Variants in ECI2 observed in about 807,000 individuals in gnomAD.
ECI2 encodes enoyl-CoA delta isomerase 2.
A neutral mutation model predicts 38.4 loss-of-function variants in ECI2; 27 were observed. The observed-to-expected ratio is 0.70, with a 90% confidence interval of 0.52 to 0.97. The LOEUF (loss-of-function observed/expected upper bound fraction) is 0.97. Among genes scored for constraint, ECI2 ranks in the 50% least tolerant of loss-of-function variants. The probability of loss-of-function intolerance (pLI) is 0.00; values close to 1 mark genes in which losing one functional copy is unlikely to be tolerated. For synonymous variants in ECI2, 168 were observed against 172.0 expected, an observed-to-expected ratio of 0.98 and a Z score of 0.18; for missense variants, 470 against 474.4, an observed-to-expected ratio of 0.99 and a Z score of 0.09.
chr6:4,135,554 T>C lies in ECI2; in HGVS notation c.7A>G (p.Met3Val), dbSNP rs765201457. Residue 3 changes from methionine to valine, a missense_variant, in exon 1 of 10, where the codon ATG becomes GTG. Transcript: ENST00000380118. MA[M>V]AYLAWRLARR... The stretch of plus-strand genomic sequence containing the variant: ...GCCAGTCTCCAAGCCAAGTACGCCA[T>C]CGCCATCCCTTGGGCGGCTCTAGGG... 3.4e-5 allele frequency: 51 copies of C among 1,499,644 alleles called. No homozygotes were observed. Among genetic ancestry groups the C allele is most frequent in the African/African-American group, 1.8e-4 (12 of 67,826 alleles). 92.9% of individuals were successfully genotyped at this position (1,499,644 alleles called of 1,614,324 possible). A position where few individuals can be genotyped will look rare whatever the true frequency, so the allele number is the denominator to read the frequency against.
chr6:4,116,272 AC>A (rs973769935), intron 9 of ECI2, among the ~76,000 whole-genome samples: 29 of 150,396 alleles, frequency 1.9e-4, no homozygotes, highest in African/African-American at 7.1e-4. Context: ...AATTGCTTGA[AC>A]CCGGGAGGCG....
chr6:4,121,964 A>T, intron 7 of ECI2: 1 of 1,580,104 alleles, frequency 6.3e-7, no homozygotes, highest in Non-Finnish European at 8.6e-7. Context: ...TTATTCAAAA[A>T]AATGTACCCA....
chr6:4,120,192 T>C (rs1165446491), intron 7 of ECI2, among the ~76,000 whole-genome samples: 2 of 152,142 alleles, frequency 1.3e-5, no homozygotes, highest in Admixed American at 1.3e-4. Flanking sequence ...CTTAAATATA[T>C]CTAGTCGTGT....
In ECI2 at chr6:4,130,494, G is replaced by C; in HGVS notation, c.379C>G (p.Gln127Glu). The C allele has an allele frequency of 6.2e-7, 1 of 1,614,200 alleles. No homozygotes were observed. ...SLSPSLESSSQVEPGTDRKST... is the reference protein window; with the variant it reads ...SLSPSLESSSEVEPGTDRKST... Reference sequence around the variant, plus strand: ...TTCCTGTCTGTTCCAGGCTCCACCTGACTAGAGGATTCCAATGAAGGACTC... The same window carrying C: ...TTCCTGTCTGTTCCAGGCTCCACCTCACTAGAGGATTCCAATGAAGGACTC... The change falls in exon 4 of 10, where the codon CAG becomes GAG. Residue 127 changes from glutamine (Q) to glutamate (E), a missense_variant. Transcript: ENST00000380118.
At chr6:4,130,925 T>G in intron 2 of ECI2, 60 bp from the exon 3 acceptor site, 1 of 1,507,858 alleles carries the variant, frequency 6.6e-7, no homozygotes, top group Non-Finnish European at 9.1e-7. Flanking sequence ...CCCTAAATAT[T>G]TAAGATCCAT....
In ECI2 at chr6:4,130,103, G is replaced by A. The variant is rs779862015; in HGVS notation, c.501+269C>T. 8.1e-6 allele frequency: 13 copies of A among 1,611,262 alleles called. No homozygotes were observed. The South Asian group carries it at 1.4e-4, about 18-fold the overall frequency. On this transcript the variant is annotated intron_variant, in intron 4 of 9. Transcript: ENST00000380118. ...TATGCAAATTCTCTCATAGCAACAT[G>A]TTTCATTTATATTCATTTATTTCTG...
chr6:4,129,822 T>C (rs928262450), intron 4 of ECI2, among the ~76,000 whole-genome samples: 1 of 152,162 alleles, frequency 6.6e-6, no homozygotes, highest in African/African-American at 2.4e-5. Context: ...TATAATTTTT[T>C]TCAAGAAGAA....
At chr6:4,126,456 G>C (rs1035311942) in intron 5 of ECI2, among the ~76,000 whole-genome samples, 23 of 152,194 alleles carry the variant, frequency 1.5e-4, no homozygotes, top group African/African-American at 5.5e-4. Context: ...GGAGTGGTGC[G>C]TCATGAAATG....
At chr6:4,135,069 G>A (rs1436952459) in intron 1 of ECI2, 1 of 460,362 alleles carries the variant, frequency 2.2e-6, no homozygotes, top group East Asian at 6.8e-5. Flanking sequence ...TGTTCTCCAA[G>A]AAGCAGAGTG....
At chr6:4,129,405 C>T (rs975360791) in intron 4 of ECI2, among the ~76,000 whole-genome samples, 12 of 152,106 alleles carry the variant, frequency 7.9e-5, no homozygotes, top group Non-Finnish European at 1.0e-4. Context: ...TGAGCCACCA[C>T]GACTGGCTAT....
chr6:4,127,023 G>C (rs1367067514), intron 5 of ECI2, among the ~76,000 whole-genome samples: 1 of 152,136 alleles, frequency 6.6e-6, no homozygotes, highest in Non-Finnish European at 1.5e-5. Context: ...TTTCCACAGA[G>C]AAGAACTTTT....
At chr6:4,121,694 T>G (rs35179245) in intron 7 of ECI2, among the ~76,000 whole-genome samples, 12 of 69,732 alleles carry the variant, frequency 1.7e-4, no homozygotes, top group South Asian at 3.8e-4. Flanking sequence ...TCATTTTTAG[T>G]TTTTTTTTTT....
chr6:4,119,132 C>T, intron 8 of ECI2, 54 bp downstream of exon 8: 1 of 1,447,436 alleles, frequency 6.9e-7, no homozygotes, highest in South Asian at 1.2e-5. Context: ...ATTACTCTTC[C>T]TTCTTTCTTG....
chr6:4,127,661 C>G, intron 5 of ECI2, 101 bp downstream of exon 5: 1 of 1,195,564 alleles, frequency 8.4e-7, no homozygotes, highest in Non-Finnish European at 1.2e-6. Flanking sequence ...GAGCCACCTG[C>G]CTCGGCCTCC....
chr6:4,117,615 A>T (rs1305721123), intron 8 of ECI2, 164 bp from the exon 9 acceptor site: 7 of 890,766 alleles, frequency 7.9e-6, no homozygotes, highest in Non-Finnish European at 9.7e-6. Flanking sequence ...AACGGTTTGC[A>T]AACTGTGTGC....
chr6:4,134,697 A>G (rs532022776), intron 1 of ECI2, among the ~76,000 whole-genome samples: 1 of 152,346 alleles, frequency 6.6e-6, no homozygotes, highest in South Asian at 2.1e-4. Flanking sequence ...AGTAAGTTTT[A>G]CATTAAAATG....
rs74952453 is a variant in ECI2, at chr6:4,115,906, C to T, written c.1153G>A (p.Val385Met). 14 of 1,613,938 alleles carry T rather than the reference C, an allele frequency of 8.7e-6. No individual in the cohort carries two copies. The African/African-American group carries it at 1.9e-4, about 22-fold the overall frequency. Residue 385 changes from valine (V) to methionine (M), a missense_variant, in exon 10 of 10, where the codon GTG becomes ATG. By Grantham distance (21) the Val-to-Met change is conservative. Transcript: ENST00000380118. Reference protein sequence around the residue: ...WLSDECTNAVVNFLSRKSKL With the variant: ...WLSDECTNAVMNFLSRKSKL ...TTTGATTTTCTGGATAAGAAGTTCA[C>T]CACAGCATTTGTGCATTCATCTGAT... is the stretch of plus-strand genomic sequence containing the variant.
rs1002464116 is a variant in ECI2, at chr6:4,126,153, T to C, written c.656A>G (p.Asn219Ser). ...PPGGVEEKAK[N>S]NAVLLREFVG... ...CTCTTACCTCAGTAAAACGGCATTA[T>C]TTTTAGCTTTCTCCTCTACTCCACC... The change falls in exon 6 of 10, where the codon AAT (asparagine) becomes AGT (serine). Residue 219 changes from asparagine (N) to serine (S), a missense_variant. By Grantham distance (46) the Asn-to-Ser change is conservative. Transcript: ENST00000380118. The C allele has an allele frequency of 1.2e-6, 2 of 1,613,744 alleles. No individual in the cohort carries two copies. The highest frequency in any genetic ancestry group is 1.3e-5 in the African/African-American group (1 of 74,914).
At chr6:4,134,132 A>G (rs1773618672) in intron 1 of ECI2, among the ~76,000 whole-genome samples, 1 of 152,266 alleles carries the variant, frequency 6.6e-6, no homozygotes, top group South Asian at 2.1e-4. Flanking sequence ...CTGATAAGCC[A>G]TAAGCTATAT....
Sources: allele counts gnomAD v4.1 joint callset (sites outside exome capture counted in the v4.1 genomes callset), GRCh38; gene constraint gnomAD v4.1.1; transcripts MANE v1.5; gene names NCBI Gene and HGNC (gene_info 2026-07-23, HGNC 2026-07-21).